Variants in DLG4 observed in about 807,000 individuals in gnomAD.
The protein encoded by DLG4 is discs large MAGUK scaffold protein 4.
DLG4 carries 7 observed loss-of-function variants against 93.8 expected under a neutral mutation model. The ratio of observed to expected loss-of-function variants is 0.07; its 90% CI spans 0.04 to 0.14. The LOEUF is 0.14. DLG4 is among the 10% of genes least tolerant of loss of function. DLG4 has a pLI of 1.00. For synonymous variants in DLG4, 341 were observed against 387.6 expected, an observed-to-expected ratio of 0.88 and a Z score of 1.41; for missense variants, 545 against 992.9, an observed-to-expected ratio of 0.55 and a Z score of 6.06.
rs188777 is a variant in DLG4, at chr17:7,189,385, G to A, written c.*1323C>T. ...TAATCTGTAATCCCAGCTACTCAGG[G>A]GGCTGAGGCAGGAGAATCACTTGAA... On this transcript the variant is annotated 3_prime_UTR_variant, in exon 20 of 20. Transcript: ENST00000399506. 0.67 allele frequency among the ~76,000 whole-genome samples: 101,840 copies of A among 151,332 alleles called. 34,634 individuals are homozygous for A. The highest frequency in any genetic ancestry group is 0.73 in the African/African-American group (30,330 of 41,270).
chr17:7,192,019 TGG>T lies in DLG4; in HGVS notation c.1867-19_1867-18del. The T allele has an allele frequency of 7.7e-6, 10 of 1,303,862 alleles. No individual in the cohort carries two copies. Among genetic ancestry groups the T allele is most frequent in the Non-Finnish European group, 1.0e-5 (10 of 1,002,028 alleles). The allele number at this position is 1,303,862 out of a possible 1,614,324, so 80.8% of individuals were successfully genotyped here. On this transcript the variant is annotated intron_variant, in intron 17 of 19. Coordinates refer to ENST00000399506, the MANE Select transcript of DLG4 (RefSeq NM_001321075.3). ...GTGCTTCCCCTGGGGGCAGGCAGGG[TGG>T]GCGGAGGGGGGCCAGCGGGTGGCGA... is the stretch of plus-strand genomic sequence containing the variant.
chr17:7,214,025 A>C, intron 1 of DLG4: 1 of 346,262 alleles, frequency 2.9e-6, no homozygotes, highest in Non-Finnish European at 5.9e-6. Flanking sequence ...CCCATCCCCC[A>C]TTTCCCTTTT....
chr17:7,197,580 G>A (rs946818889), intron 8 of DLG4, among the ~76,000 whole-genome samples: 6 of 152,098 alleles, frequency 3.9e-5, no homozygotes, highest in Non-Finnish European at 2.9e-5. Context: ...TGCCTCCCAG[G>A]TTCAAGTGAT....
chr17:7,218,589 G>T (rs1313094792), upstream of DLG4: 1 of 1,566,946 alleles, frequency 6.4e-7, no homozygotes, highest in Middle Eastern at 1.7e-4. Context: ...AGGAGTGGGG[G>T]TGCCCACCGC....
At position 7,203,475 on chromosome 17, in the gene DLG4, T is replaced by G; in HGVS notation, c.454A>C (p.Lys152Gln). 6.2e-7 allele frequency: 1 copy of G among 1,612,730 alleles called. No homozygotes were observed. Among genetic ancestry groups the G allele is most frequent in the Non-Finnish European group, 8.5e-7 (1 of 1,178,872 alleles). ...SIVRLYVMRR[K>Q]PPAEKVMEIK... is the part of the protein sequence containing the mutation. ...TCCATGACCTTCTCAGCCGGGGGCT[T>G]CCGGCGCATGACATAGAGGCGAACG... is the stretch of plus-strand genomic sequence containing the variant. The change falls in exon 6 of 20, where the codon AAG (lysine) becomes CAG (glutamine). Residue 152 changes from lysine (K) to glutamine (Q), a missense_variant. Around this residue, in one of 5 missense-constraint regions of DLG4, gnomAD observed 30 missense variants for 36.1 expected, o/e 0.83. Transcript: ENST00000399506. This position sits in a 1 kb window ranked among gnomAD's most constrained non-coding sequence, Gnocchi z 7.2.
In DLG4 at chr17:7,196,999, C is replaced by T. The variant is rs776580538; in HGVS notation, c.841G>A (p.Asp281Asn). The T allele has an allele frequency of 1.1e-5, 17 of 1,613,380 alleles. No homozygotes were observed. The highest frequency in any genetic ancestry group is 1.4e-5 in the Non-Finnish European group (16 of 1,179,740). Residue 281 changes from aspartate to asparagine, a missense_variant, in exon 9 of 20, where the codon GAC (aspartate) becomes AAC (asparagine). Asp to Asn is a conservative substitution (Grantham distance 23, BLOSUM62 1). Around this residue, in one of 5 missense-constraint regions of DLG4, gnomAD observed 428 missense variants for 741.4 expected, o/e 0.58. Transcript: ENST00000399506. The surrounding 1 kb of genome is among the most constrained non-coding windows in gnomAD (Gnocchi z 8.3). ...GTGGGGGTCATGGCTGTGGGGTAGT[C>T]GGTGCCCAGGTAGCTGCTGTGACTG... ...EISHSSYLGT[D>N]YPTAMTPTSP...
rs769789740 is a variant in DLG4 at position 7,193,825 on chromosome 17, C to G, written c.1543+19G>C. ...CAGTGCTCCTCTCACCCACATCTTC[C>G]CGAACTAACCCTACCTACCCTGCGA... is the stretch of plus-strand genomic sequence containing the variant. On this transcript the variant is annotated intron_variant, in intron 14 of 19. Coordinates refer to ENST00000399506, the MANE Select transcript of DLG4 (RefSeq NM_001321075.3). This position sits in a 1 kb window ranked among gnomAD's most constrained non-coding sequence, Gnocchi z 6.7. 3.7e-6 allele frequency: 6 copies of G among 1,612,842 alleles called. No homozygotes were observed. The East Asian group carries it at 1.3e-4, about 36-fold the overall frequency.
At chr17:7,217,722 G>A (rs542785173), upstream of DLG4, 205 of 1,534,858 alleles carry the variant, frequency 1.3e-4, no homozygotes, top group South Asian at 1.3e-3. Context: ...GCAGGAACCC[G>A]GATAATGGGA....
rs2069760742 is a variant in DLG4 at position 7,196,016 on chromosome 17, G to T, written c.1301+204C>A. On this transcript the variant is annotated intron_variant, in intron 11 of 19. Coordinates refer to ENST00000399506, the MANE Select transcript of DLG4 (RefSeq NM_001321075.3). This position sits in a 1 kb window ranked among gnomAD's most constrained non-coding sequence, Gnocchi z 8.3. The stretch of plus-strand genomic sequence containing the variant: ...GCTAGAAGGCAATTGGGATACTTGG[G>T]GCAGAGGCTATTTTCCCATCGACAG... Among the ~76,000 whole-genome samples, 2 of 152,184 alleles carry T rather than the reference G, an allele frequency of 1.3e-5. No homozygotes were observed. Among genetic ancestry groups the T allele is most frequent in the Admixed American group, 1.3e-4 (2 of 15,284 alleles).
chr17:7,202,507 C>T (rs528279819), intron 8 of DLG4, among the ~76,000 whole-genome samples: 1 of 152,332 alleles, frequency 6.6e-6, no homozygotes, highest in African/African-American at 2.4e-5. Context: ...ACTCTTGTAT[C>T]TCTATTCAGA....
chr17:7,213,740 T>C, intron 1 of DLG4: 1 of 470,888 alleles, frequency 2.1e-6, no homozygotes, highest in South Asian at 1.5e-5. Flanking sequence ...TCTCCTCAAA[T>C]CGGCTGACTT....
chr17:7,191,601 C>T lies in DLG4; in HGVS notation c.1977-243G>A. The T allele has an allele frequency of 1.0e-5, 6 of 595,340 alleles. No individual in the cohort carries two copies. The South Asian group carries it at 1.0e-4, about 10-fold the overall frequency. The allele number at this position is 595,340 out of a possible 1,614,324, so 36.9% of individuals were successfully genotyped here. A position where few individuals can be genotyped will look rare whatever the true frequency, so the allele number is the denominator to read the frequency against. On this transcript the variant is annotated intron_variant, in intron 18 of 19. Transcript: ENST00000399506. This position sits in a 1 kb window ranked among gnomAD's most constrained non-coding sequence, Gnocchi z 6.6. ...TACGGAGCTTCATCCTTCCAGCCTT[C>T]AGCCCCAGAGATGGGATTCGGACTC...
At chr17:7,201,134 G>A (rs2070112486) in intron 8 of DLG4, among the ~76,000 whole-genome samples, 1 of 152,156 alleles carries the variant, frequency 6.6e-6, no homozygotes, top group Admixed American at 6.5e-5. Context: ...AAAGTGTTGG[G>A]ATTACAGGCA....
rs755045165 is a variant in DLG4 at position 7,187,307 on chromosome 17, AG to A, written c.*3400del. ...GTAATCCTAGCACTTTGGGAGGCCG[AG>A]GGGGGGGGGGGTGGATCACCCGAGG... On this transcript the variant is annotated 3_prime_UTR_variant, in exon 20 of 20. Transcript: ENST00000399506. Among the ~76,000 whole-genome samples the A allele has an allele frequency of 0.32, 14,779 of 45,914 alleles. 3,143 individuals carry two copies. Among genetic ancestry groups the A allele is most frequent in the Middle Eastern group, 0.36 (40 of 112 alleles). The allele number at this position is 45,914 out of a possible 152,430, so 30.1% of individuals were successfully genotyped here. A position where few individuals can be genotyped will look rare whatever the true frequency, so the allele number is the denominator to read the frequency against.
rs1037623328 is a variant in DLG4, at chr17:7,208,370, C to G, written c.31-131G>C. 15 of 727,150 alleles carry G rather than the reference C, an allele frequency of 2.1e-5. No individual in the cohort carries two copies. The South Asian group carries it at 5.2e-4, about 25-fold the overall frequency. The allele number at this position is 727,150 out of a possible 1,614,324, so 45.0% of individuals were successfully genotyped here. A position where few individuals can be genotyped will look rare whatever the true frequency, so the allele number is the denominator to read the frequency against. ...CCCTGGGGCCTGACCAGCTCCTCCC[C>G]CTCCCTCTCCTCTAGCCCATTGGCT... is the stretch of plus-strand genomic sequence containing the variant. On this transcript the variant is annotated intron_variant, in intron 1 of 19. Coordinates refer to ENST00000399506, the MANE Select transcript of DLG4 (RefSeq NM_001321075.3). The surrounding 1 kb of genome is among the most constrained non-coding windows in gnomAD (Gnocchi z 5.4).
At chr17:7,217,026 C>CTGGA (rs2070947620) in intron 1 of DLG4, 92 bp downstream of exon 1, 3 of 1,168,472 alleles carry the variant, frequency 2.6e-6, no homozygotes, top group Non-Finnish European at 3.3e-6. Flanking sequence ...GATGCTGCCA[C>CTGGA]TCCAGGGGCG....
chr17:7,192,374 A>C, intron 17 of DLG4: 1 of 227,144 alleles, frequency 4.4e-6, no homozygotes, highest in Admixed American at 5.6e-5. Context: ...GAAAAAGGAG[A>C]AAGGAAGTAG....
At chr17:7,207,380 A>T (rs1182041891) in intron 2 of DLG4, among the ~76,000 whole-genome samples, 2 of 151,834 alleles carry the variant, frequency 1.3e-5, no homozygotes, top group Non-Finnish European at 2.9e-5. Context: ...GCAGGGAGGA[A>T]AGGCTGCAGA....
In DLG4 at chr17:7,194,582, T is replaced by G; in HGVS notation, c.1302-87A>C. The G allele has an allele frequency of 2.1e-6, 3 of 1,420,284 alleles. No individual in the cohort carries two copies. Among genetic ancestry groups the G allele is most frequent in the Non-Finnish European group, 2.8e-6 (3 of 1,053,384 alleles). The allele number at this position is 1,420,284 out of a possible 1,614,324, so 88.0% of individuals were successfully genotyped here. A position where few individuals can be genotyped will look rare whatever the true frequency, so the allele number is the denominator to read the frequency against. On this transcript the variant is annotated intron_variant, in intron 11 of 19. Transcript: ENST00000399506. This position sits in a 1 kb window ranked among gnomAD's most constrained non-coding sequence, Gnocchi z 4.4. ...CACCCAAAGACCCGGCCCAGAGGTC[T>G]GCAGATGGCACTCCCATGGGAGCTA...
Sources: gnomAD v4.1 joint callset for allele counts (sites outside exome capture counted in the v4.1 genomes callset) on GRCh38, gnomAD v4.1.1 for gene constraint, gnomAD v4.1.1 regional missense constraint, Gnocchi (gnomAD v3.1) non-coding constraint, MANE v1.5 for transcripts, NCBI Gene and HGNC (gene_info 2026-07-23, HGNC 2026-07-21) for gene names.